The following ETS1 variants were observed in gnomAD, a reference collection of about 807,000 sequenced individuals.
ETS1 encodes the protein ETS proto-oncogene 1, transcription factor, also known as protein C-ets-1.
Under a neutral mutation model 58.6 loss-of-function variants are expected in ETS1, and 15 were observed. That is an observed-to-expected ratio of 0.26 (90% CI 0.17 to 0.39). The LOEUF (loss-of-function observed/expected upper bound fraction) is 0.39, where lower values mean the gene tolerates loss of function less well. Among genes scored for constraint, ETS1 ranks in the 10% least tolerant of loss-of-function variants. ETS1 has a pLI of 1.00. For missense variants in ETS1, 417 were observed against 610.5 expected (o/e 0.68, Z 3.34); for synonymous variants, 214 against 218.2 (o/e 0.98, Z 0.17).
chr11:128,486,053 GT>G lies in ETS1; in HGVS notation c.613+15del. 1 of 1,547,432 alleles carries G rather than the reference GT, an allele frequency of 6.5e-7. No homozygotes were observed. The highest frequency in any genetic ancestry group is 8.9e-7 in the Non-Finnish European group (1 of 1,119,548). On this transcript the variant is annotated intron_variant, in intron 6 of 9. Coordinates refer to ENST00000392668, the MANE Select transcript of ETS1 (RefSeq NM_001143820.2). Reference sequence around the variant, plus strand: ...TTGCTATTATCATGAGAGAAGAGGGGTAGAAATGAACTTACTAATGAAGTAA... The same window carrying G: ...TTGCTATTATCATGAGAGAAGAGGGGAGAAATGAACTTACTAATGAAGTAA...
chr11:128,482,697 A>T (rs957777305), intron 7 of ETS1, among the ~76,000 whole-genome samples: 1 of 152,162 alleles, frequency 6.6e-6, no homozygotes, highest in Non-Finnish European at 1.5e-5. Flanking sequence ...TTCTCCAAAA[A>T]TGGGTAGAAT....
At chr11:128,501,717 T>C (rs1238295581) in intron 3 of ETS1, among the ~76,000 whole-genome samples, 1 of 152,194 alleles carries the variant, frequency 6.6e-6, no homozygotes, top group African/African-American at 2.4e-5. Flanking sequence ...TCAAGACCCG[T>C]TGGGTATAGT....
intron 4 of ETS1, 148 bp from the exon 5 acceptor site, chr11:128,489,638 T>C (rs748937117): frequency 2.3e-5 from 15 of 648,966 alleles, no homozygotes; most frequent in South Asian, 8.9e-5. Flanking sequence ...CTGCACATCA[T>C]TGAGTGCCTT....
chr11:128,562,984 T>C (rs1387779649), intron 2 of ETS1, among the ~76,000 whole-genome samples: 1 of 147,156 alleles, frequency 6.8e-6, no homozygotes, highest in Non-Finnish European at 1.5e-5. Context: ...AAAAAAAGAA[T>C]AGGAGAATAT....
intron 8 of ETS1, among the ~76,000 whole-genome samples, chr11:128,471,757 G>A (rs1862193669): frequency 6.6e-6 from 1 of 152,218 alleles, no homozygotes; most frequent in South Asian, 2.1e-4. Flanking sequence ...CTTCCTAAGT[G>A]TGTAGGTAAT....
At chr11:128,486,048 G>T in intron 6 of ETS1, 21 bp downstream of exon 6, 2 of 1,506,054 alleles carry the variant, frequency 1.3e-6, no homozygotes, top group Non-Finnish European at 1.8e-6. Flanking sequence ...CATGAGAGAA[G>T]AGGGGTAGAA....
intron 1 of ETS1, among the ~76,000 whole-genome samples, chr11:128,575,802 T>A (rs1204079204): frequency 6.6e-6 from 1 of 152,236 alleles, no homozygotes; most frequent in Non-Finnish European, 1.5e-5. Flanking sequence ...AAATCATCCC[T>A]AGAGTCCCAC....
At chr11:128,511,271 A>G (rs758528438) in intron 3 of ETS1, among the ~76,000 whole-genome samples, 38 of 152,212 alleles carry the variant, frequency 2.5e-4, no homozygotes, top group Non-Finnish European at 5.1e-4. Flanking sequence ...AGAATAGGTA[A>G]ACAAAAATTG....
chr11:128,548,083 A>G (rs569213378), intron 3 of ETS1, among the ~76,000 whole-genome samples: 32 of 151,260 alleles, frequency 2.1e-4, no homozygotes, highest in Middle Eastern at 3.4e-3. Context: ...AGAAAGAAAA[A>G]AAGAAAGAGC....
intron 3 of ETS1, among the ~76,000 whole-genome samples, chr11:128,512,072 T>C (rs1431373300): frequency 6.6e-6 from 1 of 152,186 alleles, no homozygotes; most frequent in Admixed American, 6.5e-5. Flanking sequence ...ACCCAAATAT[T>C]TCTGAGAATT....
chr11:128,546,226 G>GAGT (rs1203756607), intron 3 of ETS1, among the ~76,000 whole-genome samples: 1 of 152,230 alleles, frequency 6.6e-6, no homozygotes, highest in African/African-American at 2.4e-5. Context: ...TTGTCTAAGT[G>GAGT]AGTTTGTAGC....
chr11:128,486,008 G>C, intron 6 of ETS1, 61 bp downstream of exon 6: 1 of 968,474 alleles, frequency 1.0e-6, no homozygotes, highest in East Asian at 2.4e-5. Flanking sequence ...GATTCACTGA[G>C]ATAGGGGTCT....
At chr11:128,576,718 C>T (rs2135587706) in intron 1 of ETS1, among the ~76,000 whole-genome samples, 1 of 152,016 alleles carries the variant, frequency 6.6e-6, no homozygotes, top group East Asian at 1.9e-4. Context: ...CCCCCTCTCG[C>T]CGTGACCCCT....
chr11:128,496,353 TA>T (rs1862940410), intron 3 of ETS1, among the ~76,000 whole-genome samples: 1 of 151,972 alleles, frequency 6.6e-6, no homozygotes, highest in African/African-American at 2.4e-5. Flanking sequence ...GCTGCAGTGA[TA>T]TTTCCTCTTA....
chr11:128,477,967 G>C (rs1453187488), intron 8 of ETS1, among the ~76,000 whole-genome samples: 1 of 152,058 alleles, frequency 6.6e-6, no homozygotes, highest in Non-Finnish European at 1.5e-5. Flanking sequence ...AAGTAGAAAA[G>C]GGTACAAGGT....
intron 2 of ETS1, among the ~76,000 whole-genome samples, chr11:128,566,778 G>A (rs1307872178): frequency 4.1e-5 from 6 of 144,792 alleles, no homozygotes; most frequent in South Asian, 2.2e-4. Context: ...GCAAGACACC[G>A]TCTCAAAAAA....
Position 128,489,468 on chromosome 11 carries a change from G to A in ETS1, c.357C>T (p.Thr119=). 6.2e-7 allele frequency: 1 copy of A among 1,613,974 alleles called. No homozygotes were observed. Among genetic ancestry groups the A allele is most frequent in the African/African-American group, 1.3e-5 (1 of 75,032 alleles). ...CCCACATCACCCAGTCCCGAACATG[G>A]GTTTCTGTCCACTGCCGGGGGTCTG... ...IPKDPRQWTE[T]HVRDWVMWAV... is the part of the protein sequence containing the mutation. The change falls in exon 5 of 10, where the codon ACC becomes ACT. Residue 119 remains threonine, a synonymous_variant. Coordinates refer to ENST00000392668, the MANE Select transcript of ETS1 (RefSeq NM_001143820.2).
At chr11:128,483,780 C>A (rs765231921) in intron 7 of ETS1, among the ~76,000 whole-genome samples, 1 of 152,176 alleles carries the variant, frequency 6.6e-6, no homozygotes, top group Non-Finnish European at 1.5e-5. Flanking sequence ...CCTCCAAGAG[C>A]CTCACAATAG....
chr11:128,577,915 CA>C (rs543543374), intron 1 of ETS1, among the ~76,000 whole-genome samples: 272 of 133,620 alleles, frequency 2.0e-3, no homozygotes, highest in Admixed American at 2.4e-3. Context: ...GCCAAAAAGC[CA>C]AAAAAAAAAA....
Sources: gnomAD v4.1 joint callset for allele counts (sites outside exome capture counted in the v4.1 genomes callset) on GRCh38, gnomAD v4.1.1 for gene constraint, MANE v1.5 for transcripts, NCBI Gene and HGNC (gene_info 2026-07-23, HGNC 2026-07-21) for gene names.